Variants in PPM1E observed in about 807,000 individuals in gnomAD.
PPM1E encodes the protein protein phosphatase 1E.
PPM1E carries 20 observed loss-of-function variants against 65.9 expected under a neutral mutation model. That is an observed-to-expected ratio of 0.30 (90% CI 0.21 to 0.44). The LOEUF (loss-of-function observed/expected upper bound fraction) is 0.44, where lower values mean the gene tolerates loss of function less well. Ranked by LOEUF, PPM1E falls within the 20% of genes least tolerant of loss-of-function variation. PPM1E has a pLI of 1.00. For missense variants in PPM1E, 713 were observed against 953.1 expected, an observed-to-expected ratio of 0.75 and a Z score of 3.32; for synonymous variants, 352 against 374.9, an observed-to-expected ratio of 0.94 and a Z score of 0.70.
rs575564439 is a variant in PPM1E at position 58,911,004 on chromosome 17, A to T, written c.465-44645A>T. ...AGAGCTCCTGGAGGTGAAACTCACA[A>T]AAGTGTGGGGAGCCCCTCTGACTGG... On this transcript the variant is annotated intron_variant, in intron 1 of 6. Transcript: ENST00000308249. Among the ~76,000 whole-genome samples the T allele has an allele frequency of 2.0e-5, 3 of 152,244 alleles. No individual in the cohort carries two copies. The South Asian group carries it at 6.2e-4, about 32-fold the overall frequency.
chr17:58,775,878 C>T (rs1267720536), intron 1 of PPM1E, among the ~76,000 whole-genome samples: 1 of 119,028 alleles, frequency 8.4e-6, no homozygotes, highest in Non-Finnish European at 1.6e-5. Flanking sequence ...TGCGCCACTG[C>T]AGTCCGCAGT....
At chr17:58,787,002 A>ACCC (rs2050107012) in intron 1 of PPM1E, among the ~76,000 whole-genome samples, 1 of 152,222 alleles carries the variant, frequency 6.6e-6, no homozygotes, top group Non-Finnish European at 1.5e-5. Flanking sequence ...GATTTTGAAA[A>ACCC]TTCTGAAGTA....
intron 1 of PPM1E, among the ~76,000 whole-genome samples, chr17:58,891,259 A>C (rs940965683): frequency 5.9e-5 from 9 of 151,640 alleles, no homozygotes; most frequent in Non-Finnish European, 1.2e-4. Flanking sequence ...AGCCACTCGC[A>C]CCTGGTGAAA....
chr17:58,783,479 G>A (rs529771053), intron 1 of PPM1E, among the ~76,000 whole-genome samples: 1 of 152,150 alleles, frequency 6.6e-6, no homozygotes, highest in Non-Finnish European at 1.5e-5. Flanking sequence ...GGTTGGTTAG[G>A]CCTGGACTTG....
chr17:58,839,371 C>T (rs191655037), intron 1 of PPM1E, among the ~76,000 whole-genome samples: 5 of 151,844 alleles, frequency 3.3e-5, no homozygotes, highest in Admixed American at 2.6e-4. Flanking sequence ...CAGGAGGCCA[C>T]GGGATTTGGG....
chr17:58,860,915 C>T (rs369457779), intron 1 of PPM1E, among the ~76,000 whole-genome samples: 25 of 151,474 alleles, frequency 1.7e-4, no homozygotes, highest in Admixed American at 3.9e-4. Flanking sequence ...CCAGCCTGGG[C>T]GACAGAGTGA....
Position 58,981,044 on chromosome 17 carries a change from G to A in PPM1E, c.*13G>A. 6.4e-7 allele frequency: 1 copy of A among 1,553,608 alleles called. No homozygotes were observed. Among genetic ancestry groups the A allele is most frequent in the African/African-American group, 1.4e-5 (1 of 72,736 alleles). On this transcript the variant is annotated 3_prime_UTR_variant, in exon 7 of 7. Coordinates refer to ENST00000308249, the MANE Select transcript of PPM1E (RefSeq NM_014906.5). Reference sequence around the variant, plus strand: ...TAAAATAGAATAATTTTTCTTTCAAGTAGGTTAGCTAGCTCTCCCCCAATA... The same window carrying A: ...TAAAATAGAATAATTTTTCTTTCAAATAGGTTAGCTAGCTCTCCCCCAATA...
intron 1 of PPM1E, among the ~76,000 whole-genome samples, chr17:58,871,752 G>A (rs1033399204): frequency 4.6e-5 from 7 of 151,290 alleles, no homozygotes; most frequent in African/African-American, 1.7e-4. Context: ...GGAAGTTGAG[G>A]CTTCAGTGAG....
At chr17:58,805,496 C>T (rs1284957163) in intron 1 of PPM1E, among the ~76,000 whole-genome samples, 4 of 152,034 alleles carry the variant, frequency 2.6e-5, no homozygotes, top group Non-Finnish European at 5.9e-5. Context: ...GTGATCCATC[C>T]GCCTTGGCCT....
At chr17:58,843,407 A>G (rs545319920) in intron 1 of PPM1E, among the ~76,000 whole-genome samples, 15 of 151,614 alleles carry the variant, frequency 9.9e-5, no homozygotes, top group African/African-American at 3.1e-4. Context: ...AGTCCCAGCT[A>G]TACTTGGAAG....
chr17:58,960,943 A>G (rs886589079), intron 2 of PPM1E, among the ~76,000 whole-genome samples: 2 of 152,252 alleles, frequency 1.3e-5, no homozygotes, highest in East Asian at 1.9e-4. Flanking sequence ...AAAAGACTCA[A>G]TATGAAACGA....
At chr17:58,974,498 G>A (rs1365019615) in intron 6 of PPM1E, among the ~76,000 whole-genome samples, 1 of 152,176 alleles carries the variant, frequency 6.6e-6, no homozygotes, top group Non-Finnish European at 1.5e-5. Flanking sequence ...AAGGGTATAA[G>A]TTCAAAGAAT....
At chr17:58,867,372 T>A (rs1189896529) in intron 1 of PPM1E, among the ~76,000 whole-genome samples, 1 of 152,244 alleles carries the variant, frequency 6.6e-6, no homozygotes, top group Non-Finnish European at 1.5e-5. Flanking sequence ...TGCTATTAGA[T>A]TCTGTACAAA....
At chr17:58,882,579 CAG>C (rs933035881) in intron 1 of PPM1E, among the ~76,000 whole-genome samples, 1 of 151,938 alleles carries the variant, frequency 6.6e-6, no homozygotes, top group African/African-American at 2.4e-5. Flanking sequence ...TTAGTAGAGA[CAG>C]GGTTTCACCA....
In PPM1E at chr17:58,825,262, AC is replaced by A. The variant is rs1174480240; in HGVS notation, c.464+68802del. Among the ~76,000 whole-genome samples, 135 of 149,504 alleles carry A rather than the reference AC, an allele frequency of 9.0e-4. 1 individual carries two copies. Among genetic ancestry groups the A allele is most frequent in the African/African-American group, 1.6e-3 (65 of 39,780 alleles). ...CACACACACACACACACACACACAC[AC>A]AAAAATAAATAGAATGAAATATCTG... On this transcript the variant is annotated intron_variant, in intron 1 of 6. Transcript: ENST00000308249.
chr17:58,843,834 CAA>C (rs1278906881), intron 1 of PPM1E, among the ~76,000 whole-genome samples: 1 of 151,884 alleles, frequency 6.6e-6, no homozygotes, highest in African/African-American at 2.4e-5. Flanking sequence ...TGTCTCAAAA[CAA>C]AACAAAACAA....
intron 1 of PPM1E, among the ~76,000 whole-genome samples, chr17:58,786,841 A>C (rs2050105609): frequency 6.6e-6 from 1 of 152,200 alleles, no homozygotes; most frequent in South Asian, 2.1e-4. Flanking sequence ...TGAATATTTA[A>C]GTTTAATATT....
At position 58,864,315 on chromosome 17, in the gene PPM1E, C is replaced by T. The variant is rs145627940; in HGVS notation, c.465-91334C>T. On this transcript the variant is annotated intron_variant, in intron 1 of 6. Transcript: ENST00000308249. ...TTGAGCTGAGGTTGCTTTTGGAAGA[C>T]GAGAACTTTCTGTTTCCTCAGTTAA... 2.8e-3 allele frequency among the ~76,000 whole-genome samples: 422 copies of T among 152,250 alleles called. 3 individuals are homozygous for T. Among genetic ancestry groups the T allele is most frequent in the African/African-American group, 9.9e-3 (411 of 41,554 alleles).
Position 58,980,299 on chromosome 17 carries a change from A to G in PPM1E, c.1536A>G (p.Gln512=). ...CAGAGAACTCTTTTCAAGGAGGGCA[A>G]GAAGATGGTGGGGATGATAAGGAGA... The part of the protein sequence containing the change: ...DWTENSFQGG[Q]EDGGDDKENH... The change falls in exon 7 of 7, where the codon CAA becomes CAG. Residue 512 remains glutamine (Q), a synonymous_variant. Coordinates refer to ENST00000308249, the MANE Select transcript of PPM1E (RefSeq NM_014906.5). This position sits in a 1 kb window ranked among gnomAD's most constrained non-coding sequence, Gnocchi z 4.7. The G allele has an allele frequency of 6.2e-7, 1 of 1,614,158 alleles. No homozygotes were observed. The highest frequency in any genetic ancestry group is 2.2e-5 in the East Asian group (1 of 44,886).
Sources: gnomAD v4.1 joint callset for allele counts (sites outside exome capture counted in the v4.1 genomes callset) on GRCh38, gnomAD v4.1.1 for gene constraint, Gnocchi (gnomAD v3.1) non-coding constraint, MANE v1.5 for transcripts, NCBI Gene and HGNC (gene_info 2026-07-23, HGNC 2026-07-21) for gene names.